ATG3: variants seen among roughly 807,000 people sequenced by gnomAD.
ATG3 encodes ubiquitin-like-conjugating enzyme ATG3.
Under a neutral mutation model 50.7 loss-of-function variants are expected in ATG3, and 25 were observed. That is an observed-to-expected ratio of 0.49 (90% CI 0.36 to 0.69). The LOEUF (loss-of-function observed/expected upper bound fraction) is 0.69. Ranked by LOEUF, ATG3 falls within the 30% of genes least tolerant of loss-of-function variation. ATG3 has a pLI of 0.00. For synonymous variants in ATG3, 119 were observed against 125.5 expected (o/e 0.95, Z 0.34); for missense variants, 281 against 376.0 (o/e 0.75, Z 2.09).
At chr3:112,547,339 A>AACATATTAC (rs1933396874) in intron 5 of ATG3, among the ~76,000 whole-genome samples, 1 of 152,202 alleles carries the variant, frequency 6.6e-6, no homozygotes, top group African/African-American at 2.4e-5. Flanking sequence ...AAGGGAGAAA[A>AACATATTAC]ACATATTTAG....
intron 3 of ATG3, among the ~76,000 whole-genome samples, chr3:112,553,014 TAAAGA>T (rs1037110767): frequency 2.0e-5 from 3 of 152,174 alleles, no homozygotes; most frequent in African/African-American, 2.4e-5. Context: ...TTAGACACTA[TAAAGA>T]AAAGAAGTAA....
intron 3 of ATG3, among the ~76,000 whole-genome samples, chr3:112,550,702 T>C (rs1341620000): frequency 6.6e-6 from 1 of 152,170 alleles, no homozygotes; most frequent in African/African-American, 2.4e-5. Context: ...TATGTAACAC[T>C]GTAGGTGGCT....
intron 10 of ATG3, chr3:112,535,290 C>T (rs1348255188): frequency 6.6e-6 from 1 of 151,954 alleles, no homozygotes; most frequent in Non-Finnish European, 1.5e-5. Context: ...CTGAGGCAGC[C>T]CATGGAATGG....
Position 112,561,682 on chromosome 3 carries a change from G to T in ATG3, c.-154C>A. 1 of 743,450 alleles carries T rather than the reference G, an allele frequency of 1.3e-6. No individual in the cohort carries two copies. The highest frequency in any genetic ancestry group is 2.1e-6 in the Non-Finnish European group (1 of 470,392). The allele number at this position is 743,450 out of a possible 1,614,324, so 46.1% of individuals were successfully genotyped here. On this transcript the variant is annotated 5_prime_UTR_variant, in exon 1 of 12. Transcript: ENST00000283290. ...GACGGGACGCGACGCGACGGGACGGGCGGGACGAGGGGGCGGGGCGGCAGG... is the reference window on the plus strand; with the variant it reads ...GACGGGACGCGACGCGACGGGACGGTCGGGACGAGGGGGCGGGGCGGCAGG...
intron 2 of ATG3, 152 bp downstream of exon 2, chr3:112,558,224 G>A (rs1933740625): frequency 1.2e-5 from 7 of 591,156 alleles, no homozygotes; most frequent in Non-Finnish European, 1.8e-5. Context: ...TTTCTTCTAT[G>A]GGAAGTAGAA....
At position 112,536,590 on chromosome 3, in the gene ATG3, AAGGC is replaced by A; in HGVS notation, c.675_678del (p.Gln225HisfsTer2). On this transcript the variant is annotated frameshift_variant, in exon 10 of 12. Transcript: ENST00000283290. LOFTEE classifies it high-confidence loss of function. ...TCTTCATACATGTGCTCAACTGTTA[AAGGC>A]TGCCGTTGCTGAAAGCATAAAAAAT... The A allele has an allele frequency of 6.2e-7, 1 of 1,614,050 alleles. No individual in the cohort carries two copies. Among genetic ancestry groups the A allele is most frequent in the Non-Finnish European group, 8.5e-7 (1 of 1,179,976 alleles).
intron 4 of ATG3, 35 bp from the exon 5 acceptor site, chr3:112,548,675 CG>C (rs768872909): frequency 1.6e-5 from 25 of 1,555,790 alleles, no homozygotes; most frequent in Non-Finnish European, 2.2e-5. Flanking sequence ...TTAACTAGCA[CG>C]TAATCTGCTA....
At chr3:112,537,508 G>T in intron 9 of ATG3, 1 of 346,118 alleles carries the variant, frequency 2.9e-6, no homozygotes, top group East Asian at 4.8e-5. Context: ...AAAGGAATAT[G>T]TAATAGATTA....
At chr3:112,553,556 T>C (rs1455715388) in intron 2 of ATG3, among the ~76,000 whole-genome samples, 1 of 152,178 alleles carries the variant, frequency 6.6e-6, no homozygotes, top group Non-Finnish European at 1.5e-5. Flanking sequence ...TTCAAATTAA[T>C]CTTGGAAGAA....
intron 7 of ATG3, among the ~76,000 whole-genome samples, chr3:112,538,922 T>G (rs923506616): frequency 2.6e-5 from 4 of 152,202 alleles, no homozygotes; most frequent in African/African-American, 9.6e-5. Flanking sequence ...AGCTAATCAC[T>G]TTTGATTTTT....
At chr3:112,539,083 C>G (rs1933155239) in intron 7 of ATG3, among the ~76,000 whole-genome samples, 1 of 152,186 alleles carries the variant, frequency 6.6e-6, no homozygotes. Flanking sequence ...TACTGTTTCT[C>G]ATCCCTACCA....
At position 112,537,786 on chromosome 3, in the gene ATG3, A is replaced by G; in HGVS notation, c.615T>C (p.Thr205=). 2 of 1,609,726 alleles carry G rather than the reference A, an allele frequency of 1.2e-6. No homozygotes were observed. Among genetic ancestry groups the G allele is most frequent in the South Asian group, 1.1e-5 (1 of 89,294 alleles). The change falls in exon 9 of 12, where the codon ACT becomes ACC. Residue 205 remains threonine (T), a synonymous_variant. Coordinates refer to ENST00000283290, the MANE Select transcript of ATG3 (RefSeq NM_022488.5). ...LQTRTYDLYI[T]YDKYYQTPRL... is the part of the protein sequence containing the mutation. ...GTGGAGTCTGGTAATATTTATCATA[A>G]GTGATGTAAAGGTCATAAGTTCTGG...
chr3:112,559,921 T>C (rs995522397), intron 1 of ATG3, among the ~76,000 whole-genome samples: 5 of 152,234 alleles, frequency 3.3e-5, no homozygotes, highest in African/African-American at 4.8e-5. Context: ...CCTGAGGATT[T>C]TGTTCTTTCT....
At chr3:112,553,796 T>A (rs928791420) in intron 2 of ATG3, among the ~76,000 whole-genome samples, 1 of 152,146 alleles carries the variant, frequency 6.6e-6, no homozygotes, top group African/African-American at 2.4e-5. Flanking sequence ...CTTTATTATA[T>A]CACTGGGCAC....
chr3:112,536,264 C>T lies in ATG3; in HGVS notation c.794+211G>A, dbSNP rs774500028. ...CCACAGAGAACAAAAAAATTCTTAA[C>T]ATATTAAACTTAAAACAAATTGGTA... On this transcript the variant is annotated intron_variant, in intron 10 of 11. Transcript: ENST00000283290. 3.5e-4 allele frequency: 178 copies of T among 512,386 alleles called. 2 individuals carry two copies. In the Middle Eastern group the frequency reaches 3.8e-3, roughly 11 times the overall value. 31.7% of individuals were successfully genotyped at this position (512,386 alleles called of 1,614,324 possible). A position where few individuals can be genotyped will look rare whatever the true frequency, so the allele number is the denominator to read the frequency against.
In ATG3 at chr3:112,538,198, CAAA is replaced by C. The variant is rs775619749; in HGVS notation, c.476-21_476-19del. On this transcript the variant is annotated intron_variant, in intron 7 of 11. Transcript: ENST00000283290. ...TTCATATTCTGTTATAAAAAAACAA[CAAA>C]AGATTAATCAAGTTCAAGTTCAAGA... The C allele has an allele frequency of 6.4e-7, 1 of 1,556,868 alleles. No homozygotes were observed. Among genetic ancestry groups the C allele is most frequent in the Admixed American group, 1.9e-5 (1 of 53,606 alleles).
chr3:112,539,301 G>C (rs185158097), intron 7 of ATG3, among the ~76,000 whole-genome samples: 49 of 151,846 alleles, frequency 3.2e-4, no homozygotes, highest in African/African-American at 1.2e-3. Flanking sequence ...ATAGAATCTG[G>C]TCCCTGGTTA....
At chr3:112,550,655 A>ACG (rs1305127323) in intron 3 of ATG3, among the ~76,000 whole-genome samples, 7 of 152,232 alleles carry the variant, frequency 4.6e-5, no homozygotes, top group African/African-American at 1.4e-4. Flanking sequence ...GCTCATCTTG[A>ACG]GAACAAGAAA....
chr3:112,556,595 T>C (rs1381571661), intron 2 of ATG3, among the ~76,000 whole-genome samples: 56 of 152,186 alleles, frequency 3.7e-4, no homozygotes, highest in Middle Eastern at 3.4e-3. Flanking sequence ...GGGGGAAAGG[T>C]GGGGAAAAGA....
Sources: gnomAD v4.1 joint callset for allele counts (sites outside exome capture counted in the v4.1 genomes callset) on GRCh38, gnomAD v4.1.1 for gene constraint, MANE v1.5 for transcripts, NCBI Gene and HGNC (gene_info 2026-07-23, HGNC 2026-07-21) for gene names.